PARD3B: variants seen among roughly 807,000 people sequenced by gnomAD.
PARD3B encodes par-3 family cell polarity regulator beta.
Under a neutral mutation model 130.2 loss-of-function variants are expected in PARD3B, and 103 were observed. The ratio of observed to expected loss-of-function variants is 0.79; its 90% CI spans 0.67 to 0.93. The LOEUF is 0.93. Ranked by LOEUF, PARD3B falls within the 40% of genes least tolerant of loss-of-function variation. PARD3B has a pLI of 0.00. For missense variants in PARD3B, 1,609 were observed against 1,499.2 expected (o/e 1.07, Z -1.21); for synonymous variants, 583 against 553.2 (o/e 1.05, Z -0.76).
intron 21 of PARD3B, among the ~76,000 whole-genome samples, chr2:205,511,925 T>G (rs1179756996): frequency 2.6e-5 from 4 of 152,222 alleles, no homozygotes; most frequent in Non-Finnish European, 5.9e-5. Context: ...TAAGGAAATT[T>G]TTGACTGAGA....
intron 4 of PARD3B, among the ~76,000 whole-genome samples, chr2:205,097,830 CGTGTGTGTGTGT>C (rs71939970): frequency 4.0e-5 from 6 of 150,466 alleles, no homozygotes; most frequent in Admixed American, 3.3e-4. Flanking sequence ...AATCTAGTGG[CGTGTGTGTGTGT>C]GTGTGTGTGT....
intron 2 of PARD3B, among the ~76,000 whole-genome samples, chr2:204,847,630 C>G (rs1352341845): frequency 6.6e-6 from 1 of 152,180 alleles, no homozygotes; most frequent in Non-Finnish European, 1.5e-5. Flanking sequence ...TTTTCACTGT[C>G]TGTAGGCTAC....
chr2:204,631,320 G>C (rs1411794410), intron 1 of PARD3B, among the ~76,000 whole-genome samples: 1 of 151,286 alleles, frequency 6.6e-6, no homozygotes. Flanking sequence ...CACGATCTCA[G>C]CTCACTGCAA....
chr2:205,450,466 CTTTTTTTTTTTTT>C (rs869229400), intron 20 of PARD3B, among the ~76,000 whole-genome samples: 1 of 78,378 alleles, frequency 1.3e-5, no homozygotes, highest in Non-Finnish European at 2.3e-5. Context: ...AGTGCAGATT[CTTTTTTTTTTTTT>C]TTTTTTTTTT....
intron 16 of PARD3B, among the ~76,000 whole-genome samples, chr2:205,283,604 T>C (rs2041273772): frequency 6.6e-6 from 1 of 152,236 alleles, no homozygotes; most frequent in African/African-American, 2.4e-5. Context: ...TGAATCAAAA[T>C]GGACCTGAAC....
intron 2 of PARD3B, among the ~76,000 whole-genome samples, chr2:204,751,594 C>T (rs1253513755): frequency 6.6e-6 from 1 of 152,188 alleles, no homozygotes; most frequent in Admixed American, 6.5e-5. Flanking sequence ...ATAGAATTTC[C>T]ACCTTGTCTT....
At position 205,300,409 on chromosome 2, in the gene PARD3B, A is replaced by G. The variant is rs2041951608; in HGVS notation, c.2186-121A>G. 1.1e-6 allele frequency: 1 copy of G among 886,194 alleles called. No individual in the cohort carries two copies. Among genetic ancestry groups the G allele is most frequent in the Non-Finnish European group, 1.8e-6 (1 of 557,720 alleles). The allele number at this position is 886,194 out of a possible 1,614,324, so 54.9% of individuals were successfully genotyped here. A position where few individuals can be genotyped will look rare whatever the true frequency, so the allele number is the denominator to read the frequency against. On this transcript the variant is annotated intron_variant, in intron 16 of 22. Coordinates refer to ENST00000406610, the MANE Select transcript of PARD3B (RefSeq NM_001302769.2). The surrounding 1 kb of genome is among the most constrained non-coding windows in gnomAD (Gnocchi z 4.1). ...GGTGGCAAAGCTGGAGTATAACCCC[A>G]ACTCCCACCCACTTAACACCCCTTT...
chr2:205,415,052 CTTTTAAA>C (rs2046728600), intron 19 of PARD3B, among the ~76,000 whole-genome samples: 1 of 151,892 alleles, frequency 6.6e-6, no homozygotes. Context: ...GCTAGTTGGA[CTTTTAAA>C]TTTTAGAGAA....
chr2:205,550,921 T>TTA lies in PARD3B; in HGVS notation c.3181-2401_3181-2400dup. 1.0e-5 allele frequency among the ~76,000 whole-genome samples: 1 copy of TTA among 98,392 alleles called. No homozygotes were observed. Among genetic ancestry groups the TTA allele is most frequent in the African/African-American group, 3.2e-5 (1 of 30,782 alleles). 64.5% of individuals were successfully genotyped at this position (98,392 alleles called of 152,430 possible). On this transcript the variant is annotated intron_variant, in intron 21 of 22. Coordinates refer to ENST00000406610, the MANE Select transcript of PARD3B (RefSeq NM_001302769.2). This position sits in a 1 kb window ranked among gnomAD's most constrained non-coding sequence, Gnocchi z 4.5. ...ATAATCATGTTATAAATACATATAATTATGTGTGTGTGTGTGTGTGTATAT... is the reference window on the plus strand; with the variant it reads ...ATAATCATGTTATAAATACATATAATTATATGTGTGTGTGTGTGTGTGTATAT...
At position 205,251,302 on chromosome 2, in the gene PARD3B, C is replaced by T. The variant is rs1410608242; in HGVS notation, c.2185+5480C>T. 4.6e-5 allele frequency among the ~76,000 whole-genome samples: 7 copies of T among 152,178 alleles called. No homozygotes were observed. The East Asian group carries it at 1.4e-3, about 29-fold the overall frequency. The stretch of plus-strand genomic sequence containing the variant: ...AGGAGTGTGTGGGCCAAGTTAAGAG[C>T]TGTATGAGAGAGAAGATGTGCATGT... On this transcript the variant is annotated intron_variant, in intron 16 of 22. Coordinates refer to ENST00000406610, the MANE Select transcript of PARD3B (RefSeq NM_001302769.2).
At chr2:205,213,483 G>C (rs967493675) in intron 15 of PARD3B, among the ~76,000 whole-genome samples, 1 of 152,130 alleles carries the variant, frequency 6.6e-6, no homozygotes, top group East Asian at 1.9e-4. Flanking sequence ...TGAATGAATA[G>C]TGTTGGAGCA....
In PARD3B at chr2:205,615,261, C is replaced by T. The variant is rs187886606; in HGVS notation, c.3261-195C>T. On this transcript the variant is annotated intron_variant, in intron 22 of 22. Coordinates refer to ENST00000406610, the MANE Select transcript of PARD3B (RefSeq NM_001302769.2). Reference sequence around the variant, plus strand: ...CTTGTGGCCTAAGATGGTTTTTCTGCTGGCCAACAGGAAGGAGAGAAGGGA... The same window carrying T: ...CTTGTGGCCTAAGATGGTTTTTCTGTTGGCCAACAGGAAGGAGAGAAGGGA... Among the ~76,000 whole-genome samples the T allele has an allele frequency of 6.6e-5, 10 of 152,202 alleles. No individual in the cohort carries two copies. The East Asian group carries it at 1.7e-3, about 27-fold the overall frequency.
intron 2 of PARD3B, among the ~76,000 whole-genome samples, chr2:204,821,696 TAATAA>T (rs554875041): frequency 2.7e-5 from 4 of 150,780 alleles, no homozygotes; most frequent in East Asian, 3.9e-4. Context: ...AGTATAATAA[TAATAA>T]AATAAAAAAA....
chr2:204,650,492 C>A (rs2035439154), intron 1 of PARD3B, among the ~76,000 whole-genome samples: 1 of 152,146 alleles, frequency 6.6e-6, no homozygotes. Flanking sequence ...GACATGGAAT[C>A]AACCTAAATG....
At chr2:204,765,903 G>T (rs2041123537) in intron 2 of PARD3B, among the ~76,000 whole-genome samples, 2 of 152,180 alleles carry the variant, frequency 1.3e-5, no homozygotes, top group Admixed American at 1.3e-4. Flanking sequence ...CATCGAACTT[G>T]CCTAGCTAGT....
chr2:204,964,023 G>C (rs1306907458), intron 2 of PARD3B, among the ~76,000 whole-genome samples: 1 of 152,210 alleles, frequency 6.6e-6, no homozygotes, highest in Non-Finnish European at 1.5e-5. Context: ...CTGCATTTCT[G>C]TTATTAATAA....
chr2:204,702,701 A>C, intron 2 of PARD3B, among the ~76,000 whole-genome samples: 1 of 151,992 alleles, frequency 6.6e-6, no homozygotes, highest in East Asian at 1.9e-4. Flanking sequence ...CAGCCTCACA[A>C]GTAGCTGGGA....
intron 18 of PARD3B, among the ~76,000 whole-genome samples, chr2:205,342,737 C>T (rs954535113): frequency 2.0e-5 from 3 of 152,148 alleles, no homozygotes; most frequent in Non-Finnish European, 4.4e-5. Flanking sequence ...ACCTGAAAAA[C>T]GTGTCCTAAA....
chr2:205,149,264 C>T (rs975524537), intron 10 of PARD3B, among the ~76,000 whole-genome samples: 6 of 151,992 alleles, frequency 3.9e-5, no homozygotes, highest in South Asian at 2.1e-4. Context: ...TTCCTCTTTC[C>T]GATTCTTAAA....
Sources: gnomAD v4.1 joint callset for allele counts (sites outside exome capture counted in the v4.1 genomes callset) on GRCh38, gnomAD v4.1.1 for gene constraint, Gnocchi (gnomAD v3.1) non-coding constraint, MANE v1.5 for transcripts, NCBI Gene and HGNC (gene_info 2026-07-23, HGNC 2026-07-21) for gene names.